The following HERC2 variants were observed in gnomAD, a reference collection of about 807,000 sequenced individuals.
HERC2 encodes HECT and RLD domain containing E3 ubiquitin protein ligase 2.
Under a neutral mutation model 537.7 loss-of-function variants are expected in HERC2, and 102 were observed. The ratio of observed to expected loss-of-function variants is 0.19; its 90% CI spans 0.16 to 0.22. The LOEUF is 0.22. Ranked by LOEUF, HERC2 falls within the 10% of genes least tolerant of loss-of-function variation. HERC2 has a pLI of 1.00. For synonymous variants in HERC2, 2,224 were observed against 2,466.2 expected (o/e 0.90, Z 2.91); for missense variants, 4,236 against 6,198.2 (o/e 0.68, Z 10.63).
intron 4 of HERC2, among the ~76,000 whole-genome samples, chr15:28,282,709 G>A (rs561149814): frequency 3.9e-5 from 6 of 152,194 alleles, no homozygotes; most frequent in South Asian, 4.1e-4. Context: ...CGAGGCAGGC[G>A]GATCACAAGG....
At chr15:28,248,508 GC>G (rs538108149) in intron 21 of HERC2, 43 bp downstream of exon 21, 34 of 1,478,686 alleles carry the variant, frequency 2.3e-5, no homozygotes, top group Non-Finnish European at 3.2e-5. Context: ...AAAGTAACGA[GC>G]CCCGATCACA....
At position 28,114,808 on chromosome 15, in the gene HERC2, A is replaced by G; in HGVS notation, c.13723-6T>C. 1 of 1,612,852 alleles carries G rather than the reference A, an allele frequency of 6.2e-7. No homozygotes were observed. Among genetic ancestry groups the G allele is most frequent in the Non-Finnish European group, 8.5e-7 (1 of 1,179,154 alleles). On this transcript the variant is annotated splice_region_variant and splice_polypyrimidine_tract_variant and intron_variant, in intron 89 of 92. Coordinates refer to ENST00000261609, the MANE Select transcript of HERC2 (RefSeq NM_004667.6). The stretch of plus-strand genomic sequence containing the variant: ...GGAATAAAATCCTTATCAACCTTTT[A>G]AGGAGAAAAAGAAAGCCCATGTGTC...
chr15:28,263,943 C>T (rs1300781267), intron 14 of HERC2, among the ~76,000 whole-genome samples: 2 of 144,176 alleles, frequency 1.4e-5, no homozygotes, highest in Non-Finnish European at 3.0e-5. Context: ...TGCTTGACCC[C>T]GGGAGGTGGA....
chr15:28,143,262 G>A (rs1179041217), intron 74 of HERC2, among the ~76,000 whole-genome samples: 1 of 152,042 alleles, frequency 6.6e-6, no homozygotes, highest in Non-Finnish European at 1.5e-5. Context: ...GATCAAAAGG[G>A]ACTACTTTAG....
Position 28,238,725 on chromosome 15 carries a change from G to A in HERC2, c.3625C>T (p.Leu1209Phe). The change falls in exon 24 of 93, where the codon CTT becomes TTT. Residue 1209 changes from leucine to phenylalanine, a missense_variant. This residue lies in a region of HERC2 where 754 missense variants were observed against 1,085.0 expected (regional missense o/e 0.69). Coordinates refer to ENST00000261609, the MANE Select transcript of HERC2 (RefSeq NM_004667.6). ...TTCTCCAAATCAGCTTTGCGTATAA[G>A]TGTCACTTCCTCATTATTTCTACAG... ...QNCRNNEEVT[L>F]IRKADLENHN... The A allele has an allele frequency of 6.2e-7, 1 of 1,611,360 alleles. No individual in the cohort carries two copies. The highest frequency in any genetic ancestry group is 8.5e-7 in the Non-Finnish European group (1 of 1,179,338).
chr15:28,166,736 A>T (rs1038030650), intron 68 of HERC2, among the ~76,000 whole-genome samples: 30 of 152,216 alleles, frequency 2.0e-4, no homozygotes, highest in Admixed American at 1.3e-3. Flanking sequence ...ACCGGGTCCC[A>T]GTGACCAGTC....
intron 3 of HERC2, among the ~76,000 whole-genome samples, chr15:28,294,915 C>A (rs1047228719): frequency 6.6e-6 from 1 of 151,944 alleles, no homozygotes; most frequent in East Asian, 1.9e-4. Context: ...TTTAATCAAC[C>A]TCTCCTTGGT....
At chr15:28,167,959 G>T (rs1472554806) in intron 67 of HERC2, 132 bp from the exon 68 acceptor site, 8 of 1,006,328 alleles carry the variant, frequency 7.9e-6, no homozygotes, top group South Asian at 5.2e-5. Flanking sequence ...TTTTACAGAG[G>T]TAACATGGTG....
chr15:28,252,974 C>T (rs1206742949), intron 20 of HERC2, among the ~76,000 whole-genome samples: 1 of 152,236 alleles, frequency 6.6e-6, no homozygotes, highest in Non-Finnish European at 1.5e-5. Context: ...GTGGCCACTG[C>T]CCAGGGCTCC....
intron 23 of HERC2, among the ~76,000 whole-genome samples, chr15:28,245,241 C>A (rs1036847797): frequency 3.9e-5 from 6 of 152,132 alleles, no homozygotes; most frequent in Admixed American, 6.5e-5. Flanking sequence ...ATGGAAAAAT[C>A]TTCCTTAAAT....
intron 69 of HERC2, among the ~76,000 whole-genome samples, chr15:28,153,845 A>T (rs1391496212): frequency 6.6e-6 from 1 of 152,072 alleles, no homozygotes; most frequent in Non-Finnish European, 1.5e-5. Flanking sequence ...GGTGAAAATG[A>T]CCACAATCCT....
intron 83 of HERC2, among the ~76,000 whole-genome samples, chr15:28,128,718 C>T (rs1467482187): frequency 6.6e-6 from 1 of 152,246 alleles, no homozygotes; most frequent in African/African-American, 2.4e-5. Flanking sequence ...AAACAACACA[C>T]ACTTAGGATC....
chr15:28,162,199 G>A (rs370972786), intron 69 of HERC2, among the ~76,000 whole-genome samples: 60 of 152,174 alleles, frequency 3.9e-4, no homozygotes, highest in East Asian at 1.9e-3. Flanking sequence ...GCATCGTGGC[G>A]CATGCCTGTA....
At chr15:28,254,280 C>A in intron 20 of HERC2, 60 bp downstream of exon 20, 1 of 1,254,524 alleles carries the variant, frequency 8.0e-7, no homozygotes, top group Non-Finnish European at 1.1e-6. Flanking sequence ...CGAACTCTGT[C>A]ACACACACAA....
intron 20 of HERC2, among the ~76,000 whole-genome samples, chr15:28,252,348 A>G (rs2075111033): frequency 6.6e-6 from 1 of 152,108 alleles, no homozygotes; most frequent in South Asian, 2.1e-4. Flanking sequence ...GTGAGAACAA[A>G]GGACCCACAA....
Position 28,254,333 on chromosome 15 carries a change from G to A in HERC2, c.3050+7C>T, listed in dbSNP as rs750244094. The A allele has an allele frequency of 4.5e-6, 7 of 1,562,536 alleles. No homozygotes were observed. The highest frequency in any genetic ancestry group is 2.0e-5 in the Admixed American group (1 of 50,020). On this transcript the variant is annotated splice_region_variant and intron_variant, in intron 20 of 92. Transcript: ENST00000261609. ...ACATATAATACAATACAGCTACTAC[G>A]ATTTACCTAAGAAGCTGTTGTATGA...
In HERC2 at chr15:28,112,135, G is replaced by C. The variant is rs910557442; in HGVS notation, c.14233-100C>G. 3.3e-6 allele frequency: 4 copies of C among 1,201,734 alleles called. No homozygotes were observed. In the African/African-American group the frequency reaches 6.1e-5, roughly 18 times the overall value. The allele number at this position is 1,201,734 out of a possible 1,614,324, so 74.4% of individuals were successfully genotyped here. On this transcript the variant is annotated intron_variant, in intron 92 of 92. Transcript: ENST00000261609. ...TCGTGCTCACAAAACCATATTTTTT[G>C]CTAAGAACAAAACAGCAGAAAACAT...
intron 3 of HERC2, among the ~76,000 whole-genome samples, chr15:28,297,550 G>C (rs1277505516): frequency 6.6e-6 from 1 of 151,448 alleles, no homozygotes; most frequent in Non-Finnish European, 1.5e-5. Flanking sequence ...CCATTATGTT[G>C]TTTAAAAAAA....
chr15:28,142,269 C>A lies in HERC2; in HGVS notation c.11669G>T (p.Arg3890Ile), dbSNP rs751568694. 6.2e-7 allele frequency: 1 copy of A among 1,614,080 alleles called. No individual in the cohort carries two copies. The highest frequency in any genetic ancestry group is 8.5e-7 in the Non-Finnish European group (1 of 1,180,050). The change falls in exon 76 of 93, where the codon AGA becomes ATA. Residue 3890 changes from arginine to isoleucine, a missense_variant. Arg to Ile is a moderately conservative substitution (Grantham distance 97). This residue lies in a region of HERC2 where 156 missense variants were observed against 172.3 expected (regional missense o/e 0.91). Coordinates refer to ENST00000261609, the MANE Select transcript of HERC2 (RefSeq NM_004667.6). Reference protein sequence around the residue: ...ASRVAVALDKRTPLPRLFLDE... With the variant: ...ASRVAVALDKITPLPRLFLDE... The stretch of plus-strand genomic sequence containing the variant: ...AAGAAACAGACGGGGCAACGGTGTT[C>A]TTTTGTCAAGGGCCACAGCAACACG...
Sources: gnomAD v4.1 joint callset for allele counts (sites outside exome capture counted in the v4.1 genomes callset) on GRCh38, gnomAD v4.1.1 for gene constraint, gnomAD v4.1.1 regional missense constraint, MANE v1.5 for transcripts, NCBI Gene and HGNC (gene_info 2026-07-23, HGNC 2026-07-21) for gene names.